The following GABRB3 variants were observed in gnomAD, a reference collection of about 807,000 sequenced individuals.
The protein encoded by GABRB3 is gamma-aminobutyric acid receptor subunit beta-3.
Under a neutral mutation model 52.1 loss-of-function variants are expected in GABRB3, and 14 were observed. That is an observed-to-expected ratio of 0.27 (90% CI 0.18 to 0.42). The LOEUF is 0.42. Among genes scored for constraint, GABRB3 ranks in the 10% least tolerant of loss-of-function variants. The pLI is 1.00. For synonymous variants in GABRB3, 260 were observed against 232.3 expected (o/e 1.12, Z -1.08); for missense variants, 307 against 609.1 (o/e 0.50, Z 5.22).
At chr15:26,744,251 T>A (rs1161925738) in intron 3 of GABRB3, among the ~76,000 whole-genome samples, 2 of 152,190 alleles carry the variant, frequency 1.3e-5, no homozygotes, top group Non-Finnish European at 2.9e-5. Flanking sequence ...GCATGAAAAT[T>A]CTCAGATATT....
rs1364161095 is a variant in GABRB3, at chr15:26,545,771, G to A, written c.*2022C>T. On this transcript the variant is annotated 3_prime_UTR_variant, in exon 9 of 9. Transcript: ENST00000311550. ...CCATGGAAAAAATGGTCAGAGAAAA[G>A]CCAAAGCCAAAGAAATCCCTGGCTA... 6.6e-6 allele frequency: 1 copy of A among 152,482 alleles called. No homozygotes were observed. Among genetic ancestry groups the A allele is most frequent in the Non-Finnish European group, 1.5e-5 (1 of 67,994 alleles). The allele number at this position is 152,482 out of a possible 1,614,324, so 9.4% of individuals were successfully genotyped here.
At chr15:26,590,704 T>C (rs969991482) in intron 4 of GABRB3, among the ~76,000 whole-genome samples, 1 of 149,878 alleles carries the variant, frequency 6.7e-6, no homozygotes, top group African/African-American at 2.6e-5. Context: ...CCAAAGGCTT[T>C]TGCTATGGGA....
At chr15:26,684,708 G>A (rs1888346694) in intron 3 of GABRB3, among the ~76,000 whole-genome samples, 1 of 152,082 alleles carries the variant, frequency 6.6e-6, no homozygotes, top group Non-Finnish European at 1.5e-5. Flanking sequence ...CCAAAAACAG[G>A]AGAGAGAGAA....
At chr15:26,744,228 A>T (rs1296294742) in intron 3 of GABRB3, among the ~76,000 whole-genome samples, 1 of 152,210 alleles carries the variant, frequency 6.6e-6, no homozygotes, top group African/African-American at 2.4e-5. Flanking sequence ...TTTGAATTTG[A>T]TATTAAAATC....
chr15:26,592,529 A>G (rs1595466386), intron 4 of GABRB3, among the ~76,000 whole-genome samples: 1 of 152,348 alleles, frequency 6.6e-6, no homozygotes, highest in East Asian at 1.9e-4. Context: ...CTTTTCAAGA[A>G]GAACGGGGAG....
Position 26,759,236 on chromosome 15 carries a change from A to G in GABRB3, c.240+13166T>C, listed in dbSNP as rs1367903053. The stretch of plus-strand genomic sequence containing the variant: ...TTTTTTCATTAATAAGACTAGGAAT[A>G]AAAAAAAATAGAATATAGCAAAAAA... On this transcript the variant is annotated intron_variant, in intron 3 of 8. Coordinates refer to ENST00000311550, the MANE Select transcript of GABRB3 (RefSeq NM_000814.6). Among the ~76,000 whole-genome samples the G allele has an allele frequency of 1.1e-4, 16 of 141,762 alleles. No individual in the cohort carries two copies. The South Asian group carries it at 3.4e-3, about 30-fold the overall frequency. 93.0% of individuals were successfully genotyped at this position (141,762 alleles called of 152,430 possible). A position where few individuals can be genotyped will look rare whatever the true frequency, so the allele number is the denominator to read the frequency against.
chr15:26,729,807 C>T (rs1889862797), intron 3 of GABRB3, among the ~76,000 whole-genome samples: 1 of 152,180 alleles, frequency 6.6e-6, no homozygotes, highest in African/African-American at 2.4e-5. Context: ...ACCTGCCAGG[C>T]TCTGCCATGC....
chr15:26,609,220 T>A (rs1310284776), intron 4 of GABRB3, among the ~76,000 whole-genome samples: 1 of 151,996 alleles, frequency 6.6e-6, no homozygotes, highest in African/African-American at 2.4e-5. Context: ...TTATACTAAG[T>A]GAATTACGCC....
chr15:26,590,346 C>T (rs564433793), intron 4 of GABRB3: 2 of 152,100 alleles, frequency 1.3e-5, no homozygotes, highest in Non-Finnish European at 2.9e-5. Flanking sequence ...GAAATCTGGG[C>T]GAGAGTTGTA....
chr15:26,559,371 C>G (rs949797922), intron 8 of GABRB3, among the ~76,000 whole-genome samples: 1 of 152,150 alleles, frequency 6.6e-6, no homozygotes, highest in South Asian at 2.1e-4. Flanking sequence ...GCCGGGCAGA[C>G]ATTATTGCCA....
chr15:26,667,456 GAC>G (rs1276759440), intron 3 of GABRB3, among the ~76,000 whole-genome samples: 1 of 152,232 alleles, frequency 6.6e-6, no homozygotes, highest in Non-Finnish European at 1.5e-5. Flanking sequence ...ACTCTTGTGT[GAC>G]ACAGTTCTAC....
chr15:26,634,904 T>G (rs1893006741), intron 3 of GABRB3, among the ~76,000 whole-genome samples: 1 of 114,100 alleles, frequency 8.8e-6, no homozygotes, highest in South Asian at 2.9e-4. Flanking sequence ...TTAAAAATTA[T>G]ATATATCTCT....
intron 3 of GABRB3, among the ~76,000 whole-genome samples, chr15:26,706,588 T>G (rs539387371): frequency 6.6e-6 from 1 of 152,146 alleles, no homozygotes; most frequent in Non-Finnish European, 1.5e-5. Context: ...CCTTTTCTGA[T>G]AAAATCTGCA....
At chr15:26,674,075 T>C (rs1322699898) in intron 3 of GABRB3, among the ~76,000 whole-genome samples, 1 of 151,964 alleles carries the variant, frequency 6.6e-6, no homozygotes, top group Non-Finnish European at 1.5e-5. Flanking sequence ...CCTTTTTTTT[T>C]TTAGTATTTC....
At chr15:26,710,437 T>C (rs1389270351) in intron 3 of GABRB3, among the ~76,000 whole-genome samples, 1 of 152,134 alleles carries the variant, frequency 6.6e-6, no homozygotes, top group Non-Finnish European at 1.5e-5. Flanking sequence ...AATTTTTCTA[T>C]TTTTAGTAGA....
intron 3 of GABRB3, among the ~76,000 whole-genome samples, chr15:26,643,347 C>T (rs1276384912): frequency 1.3e-5 from 2 of 152,174 alleles, no homozygotes; most frequent in African/African-American, 4.8e-5. Context: ...TGCAAAGAGA[C>T]GAGGAGCCCT....
At chr15:26,624,750 T>A in intron 3 of GABRB3, 1 of 985,420 alleles carries the variant, frequency 1.0e-6, no homozygotes, top group Non-Finnish European at 1.2e-6. Flanking sequence ...CCTCCTTTTT[T>A]TCTGGGATAC....
chr15:26,599,835 G>A (rs1402727238), intron 4 of GABRB3, among the ~76,000 whole-genome samples: 2 of 152,092 alleles, frequency 1.3e-5, no homozygotes, highest in Admixed American at 6.5e-5. Context: ...GGATTAAAAA[G>A]AATCGAGAAA....
At chr15:26,680,715 A>G (rs1456932376) in intron 3 of GABRB3, among the ~76,000 whole-genome samples, 2 of 152,214 alleles carry the variant, frequency 1.3e-5, no homozygotes, top group Non-Finnish European at 2.9e-5. Flanking sequence ...ACTCCATAGA[A>G]TTGGATATGA....
Sources: allele counts gnomAD v4.1 joint callset (sites outside exome capture counted in the v4.1 genomes callset), GRCh38; gene constraint gnomAD v4.1.1; transcripts MANE v1.5; gene names NCBI Gene and HGNC (gene_info 2026-07-23, HGNC 2026-07-21).